The following ATP2B4 variants were observed in gnomAD, a reference collection of about 807,000 sequenced individuals.
The protein encoded by ATP2B4 is plasma membrane calcium-transporting ATPase 4.
ATP2B4 carries 39 observed loss-of-function variants against 110.3 expected under a neutral mutation model. That is an observed-to-expected ratio of 0.35 (90% confidence interval 0.27 to 0.46). ATP2B4 has a LOEUF of 0.46. ATP2B4 is among the 20% of genes least tolerant of loss of function. The pLI is 1.00. For missense variants in ATP2B4, 1,135 were observed against 1,530.9 expected, an observed-to-expected ratio of 0.74 and a Z score of 4.32; for synonymous variants, 538 against 571.7, an observed-to-expected ratio of 0.94 and a Z score of 0.84.
intron 1 of ATP2B4, among the ~76,000 whole-genome samples, chr1:203,644,249 TAAAAA>T (rs3066210): frequency 9.1e-6 from 1 of 109,978 alleles, no homozygotes; most frequent in African/African-American, 3.4e-5. Context: ...GACTCCATCT[TAAAAA>T]AAAAAAAAAA....
intron 8 of ATP2B4, among the ~76,000 whole-genome samples, chr1:203,706,445 A>G (rs1571744963): frequency 6.6e-6 from 1 of 152,218 alleles, no homozygotes; most frequent in East Asian, 1.9e-4. Context: ...GGCATCTTCT[A>G]TGTGTGCCGT....
chr1:203,736,324 T>A (rs1388362628), intron 20 of ATP2B4, among the ~76,000 whole-genome samples: 2 of 152,026 alleles, frequency 1.3e-5, no homozygotes, highest in African/African-American at 4.8e-5. Flanking sequence ...AAAAAATAGC[T>A]GAGTGCGGTG....
At chr1:203,637,362 G>A (rs1970962) in intron 1 of ATP2B4, among the ~76,000 whole-genome samples, 2 of 150,304 alleles carry the variant, frequency 1.3e-5, no homozygotes, top group Non-Finnish European at 3.0e-5. Flanking sequence ...ACCCCCGGGG[G>A]GGGGCGGAGC....
chr1:203,650,358 GTGTGA>G, intron 1 of ATP2B4, among the ~76,000 whole-genome samples: 2 of 152,298 alleles, frequency 1.3e-5, no homozygotes, highest in East Asian at 3.9e-4. Context: ...TTGTGGTGTG[GTGTGA>G]TGTGGTGGGG....
At chr1:203,634,425 A>T (rs988259205) in intron 1 of ATP2B4, among the ~76,000 whole-genome samples, 2 of 152,118 alleles carry the variant, frequency 1.3e-5, no homozygotes, top group African/African-American at 4.8e-5. Context: ...TTGAACTCCT[A>T]GGCTCAAGCG....
chr1:203,661,809 C>T (rs990225980), intron 1 of ATP2B4, among the ~76,000 whole-genome samples: 2 of 152,028 alleles, frequency 1.3e-5, no homozygotes, highest in African/African-American at 4.8e-5. Flanking sequence ...GGTGACTGAC[C>T]TGTGCCCCAC....
chr1:203,655,115 T>C (rs963867643), intron 1 of ATP2B4, among the ~76,000 whole-genome samples: 2 of 152,124 alleles, frequency 1.3e-5, no homozygotes, highest in African/African-American at 4.8e-5. Context: ...CATCTCATGA[T>C]AAAACTTGAA....
intron 1 of ATP2B4, among the ~76,000 whole-genome samples, chr1:203,650,603 C>A (rs953446919): frequency 6.6e-6 from 1 of 152,190 alleles, no homozygotes; most frequent in Admixed American, 6.5e-5. Flanking sequence ...TTGCACCGCG[C>A]AGAGGCCGGG....
chr1:203,686,685 CTTTTTTTTTT>C (rs779048789), intron 2 of ATP2B4, among the ~76,000 whole-genome samples: 7 of 42,784 alleles, frequency 1.6e-4, no homozygotes, highest in Admixed American at 4.7e-4. Flanking sequence ...TCTTTTCTTT[CTTTTTTTTTT>C]TTTTTTTTTT....
At position 203,645,843 on chromosome 1, in the gene ATP2B4, C is replaced by A. The variant is rs1371184019; in HGVS notation, c.-465+18624C>A. Among the ~76,000 whole-genome samples the A allele has an allele frequency of 2.0e-5, 3 of 152,262 alleles. No homozygotes were observed. The East Asian group carries it at 5.8e-4, about 29-fold the overall frequency. On this transcript the variant is annotated intron_variant, in intron 1 of 20. Transcript: ENST00000357681. ...TGACCTCGTGATCCATCTGCCTCAG[C>A]CTCCCAAATTGCTGGGATTACAGGC...
At chr1:203,724,866 T>TC (rs1558053232) in intron 19 of ATP2B4, among the ~76,000 whole-genome samples, 1,532 of 109,048 alleles carry the variant, frequency 0.014, 192 homozygotes, top group African/African-American at 0.041. Flanking sequence ...TCCAGCTCTC[T>TC]GTTTTTTTTT....
chr1:203,725,884 T>TTTTTC (rs1202251238), intron 19 of ATP2B4, among the ~76,000 whole-genome samples: 62 of 145,150 alleles, frequency 4.3e-4, no homozygotes, highest in Non-Finnish European at 6.7e-4. Flanking sequence ...GAATAATTTC[T>TTTTTC]TTTTCTTTTC....
At chr1:203,694,892 T>C (rs776918591) in intron 2 of ATP2B4, among the ~76,000 whole-genome samples, 3 of 152,044 alleles carry the variant, frequency 2.0e-5, no homozygotes, top group Non-Finnish European at 4.4e-5. Context: ...GATTGGACTT[T>C]AGATATATTT....
chr1:203,628,599 G>C (rs1663162361), intron 1 of ATP2B4, among the ~76,000 whole-genome samples: 1 of 152,166 alleles, frequency 6.6e-6, no homozygotes, highest in Non-Finnish European at 1.5e-5. Flanking sequence ...TCTGTGTGAG[G>C]AGTCTGGCAG....
chr1:203,628,067 G>A (rs558152389), intron 1 of ATP2B4, among the ~76,000 whole-genome samples: 1 of 152,308 alleles, frequency 6.6e-6, no homozygotes, highest in South Asian at 2.1e-4. Context: ...GTCGAGGCTG[G>A]ACACTGTGGG....
Position 203,705,377 on chromosome 1 carries a change from C to T in ATP2B4, c.1099+1564C>T, listed in dbSNP as rs140467602. Among the ~76,000 whole-genome samples, 624 of 152,322 alleles carry T rather than the reference C, an allele frequency of 4.1e-3. 3 individuals are homozygous for T. Among genetic ancestry groups the T allele is most frequent in the African/African-American group, 0.014 (579 of 41,574 alleles). On this transcript the variant is annotated intron_variant, in intron 8 of 20. Transcript: ENST00000357681. Reference sequence around the variant, plus strand: ...CCCACCTAACCCTTGTACTATTCTCCTAATCCTTGCCTTGTTGTTGTTGTT... The same window carrying T: ...CCCACCTAACCCTTGTACTATTCTCTTAATCCTTGCCTTGTTGTTGTTGTT...
chr1:203,737,785 T>C (rs1213727516), intron 20 of ATP2B4, among the ~76,000 whole-genome samples: 2 of 152,198 alleles, frequency 1.3e-5, no homozygotes, highest in East Asian at 3.8e-4. Context: ...AAGGAGTCCT[T>C]TGCCTTCTGA....
intron 1 of ATP2B4, chr1:203,657,192 A>G: frequency 2.6e-6 from 2 of 773,214 alleles, no homozygotes; most frequent in South Asian, 1.5e-5. Context: ...CTTTCAGTTC[A>G]AGATGTAATA....
chr1:203,717,975 AG>A (rs1466876974), intron 15 of ATP2B4, among the ~76,000 whole-genome samples: 1 of 152,016 alleles, frequency 6.6e-6, no homozygotes, highest in Non-Finnish European at 1.5e-5. Flanking sequence ...TGGGAGGCCA[AG>A]GGGGAAGGAG....
Sources: gnomAD v4.1 joint callset for allele counts (sites outside exome capture counted in the v4.1 genomes callset) on GRCh38, gnomAD v4.1.1 for gene constraint, MANE v1.5 for transcripts, NCBI Gene and HGNC (gene_info 2026-07-23, HGNC 2026-07-21) for gene names.